Variants in USPL1 observed in about 807,000 individuals in gnomAD.
USPL1 encodes the protein SUMO-specific isopeptidase USPL1.
In USPL1, 27 loss-of-function variants were observed where a neutral mutation model predicts 51.5. That is an observed-to-expected ratio of 0.52 (90% CI 0.39 to 0.72). The LOEUF (loss-of-function observed/expected upper bound fraction) is 0.72, where lower values mean the gene tolerates loss of function less well. USPL1 is among the 30% of genes least tolerant of loss of function. USPL1 has a pLI of 0.00. For synonymous variants in USPL1, 451 were observed against 459.6 expected (o/e 0.98, Z 0.24); for missense variants, 1,226 against 1,268.0 (o/e 0.97, Z 0.50).
chr13:30,653,828 A>G (rs754270277), intron 8 of USPL1, among the ~76,000 whole-genome samples: 2 of 152,132 alleles, frequency 1.3e-5, no homozygotes, highest in East Asian at 3.8e-4. Context: ...TAAAATATTG[A>G]GTTTGTTTTT....
rs533084256 is a variant in USPL1 at position 30,650,347 on chromosome 13, C to T, written c.1239-2801C>T. On this transcript the variant is annotated intron_variant, in intron 7 of 8. Transcript: ENST00000255304. ...GTCCCAGCACTTTGGGAGGCTGAAGCGGACAGATCACCTGAGACTAGGAAT... is the reference window on the plus strand; with the variant it reads ...GTCCCAGCACTTTGGGAGGCTGAAGTGGACAGATCACCTGAGACTAGGAAT... Among the ~76,000 whole-genome samples the T allele has an allele frequency of 4.0e-5, 6 of 151,414 alleles. 1 individual carries two copies. In the East Asian group the frequency reaches 6.0e-4, roughly 15 times the overall value.
intron 5 of USPL1, among the ~76,000 whole-genome samples, chr13:30,641,000 G>T (rs924736110): frequency 6.6e-6 from 1 of 152,158 alleles, no homozygotes; most frequent in Non-Finnish European, 1.5e-5. Context: ...AAATATGTAG[G>T]CTGGTGTTCC....
At chr13:30,625,095 CT>C (rs1313470707) in intron 3 of USPL1, among the ~76,000 whole-genome samples, 2 of 151,910 alleles carry the variant, frequency 1.3e-5, no homozygotes, top group Non-Finnish European at 2.9e-5. Context: ...GCTTTTTTCC[CT>C]TTGGACTAGT....
chr13:30,658,470 G>A lies in USPL1; in HGVS notation c.2393G>A (p.Gly798Asp), dbSNP rs1951201602. 1.9e-6 allele frequency: 3 copies of A among 1,613,782 alleles called. No homozygotes were observed. Among genetic ancestry groups the A allele is most frequent in the Non-Finnish European group, 2.5e-6 (3 of 1,180,032 alleles). The change falls in exon 9 of 9, where the codon GGC (glycine) becomes GAC (aspartate). Residue 798 changes from glycine (G) to aspartate (D), a missense_variant. Physicochemically the swap from Gly to Asp is moderately conservative, Grantham distance 94 (BLOSUM62 -1). Transcript: ENST00000255304. ...GTTAAAGGGGTAAATAATTTTGGTG[G>A]CTTTAAAACTAAAGGTATAAACCAG... ...PSVKGVNNFG[G>D]FKTKGINQKA... is the part of the protein sequence containing the mutation.
chr13:30,634,179 A>C lies in USPL1; in HGVS notation c.868+2705A>C, dbSNP rs180811409. 1.1e-3 allele frequency among the ~76,000 whole-genome samples: 173 copies of C among 152,312 alleles called. 1 individual carries two copies. Among genetic ancestry groups the C allele is most frequent in the African/African-American group, 4.0e-3 (166 of 41,566 alleles). ...AGTCAAATAAGGGTTGCTTGAACACAAGCACTGCAATACCATGGCAATAGA... is the reference window on the plus strand; with the variant it reads ...AGTCAAATAAGGGTTGCTTGAACACCAGCACTGCAATACCATGGCAATAGA... On this transcript the variant is annotated intron_variant, in intron 4 of 8. Coordinates refer to ENST00000255304, the MANE Select transcript of USPL1 (RefSeq NM_005800.5).
chr13:30,626,920 CTTTT>C (rs1950724458), intron 3 of USPL1, among the ~76,000 whole-genome samples: 1 of 151,312 alleles, frequency 6.6e-6, no homozygotes, highest in South Asian at 2.1e-4. Flanking sequence ...TCAAAGAAAA[CTTTT>C]TTTGTTTTCT....
chr13:30,644,985 G>C (rs1025924323), intron 6 of USPL1, among the ~76,000 whole-genome samples: 3 of 152,108 alleles, frequency 2.0e-5, no homozygotes, highest in Non-Finnish European at 4.4e-5. Flanking sequence ...TCTCCTCACA[G>C]TAACTCAGTG....
At chr13:30,644,572 G>A (rs150798823) in intron 6 of USPL1, among the ~76,000 whole-genome samples, 3 of 152,076 alleles carry the variant, frequency 2.0e-5, no homozygotes, top group African/African-American at 7.2e-5. Context: ...AAAGAATATC[G>A]CAAGGATTTG....
chr13:30,631,003 G>T lies in USPL1; in HGVS notation c.397G>T (p.Gly133Cys). The change falls in exon 4 of 9, where the codon GGT (glycine) becomes TGT (cysteine). Residue 133 changes from glycine (G) to cysteine (C), a missense_variant. Physicochemically the swap from Gly to Cys is radical, Grantham distance 159. Transcript: ENST00000255304. The stretch of plus-strand genomic sequence containing the variant: ...GACTAGAAATTATATTGCTATTGAC[G>T]GTGGAAAAGTTTTGAACAGCAAACA... ...KKTRNYIAID[G>C]GKVLNSKHNG... 6.2e-7 allele frequency: 1 copy of T among 1,613,958 alleles called. No homozygotes were observed.
chr13:30,647,821 TA>T (rs757087740), intron 7 of USPL1, among the ~76,000 whole-genome samples: 6 of 152,216 alleles, frequency 3.9e-5, no homozygotes, highest in Non-Finnish European at 5.9e-5. Flanking sequence ...GAATCTTTCC[TA>T]AAGGTTTATT....
intron 4 of USPL1, among the ~76,000 whole-genome samples, chr13:30,633,633 A>G (rs1288891501): frequency 6.6e-6 from 1 of 151,910 alleles, no homozygotes; most frequent in Admixed American, 6.6e-5. Flanking sequence ...TTGGCTGGCT[A>G]TGGTGGCACA....
rs1951026912 is a variant in USPL1 at position 30,647,012 on chromosome 13, A to G, written c.1193A>G (p.Asn398Ser). 6.2e-7 allele frequency: 1 copy of G among 1,613,570 alleles called. No homozygotes were observed. Among genetic ancestry groups the G allele is most frequent in the Non-Finnish European group, 8.5e-7 (1 of 1,179,500 alleles). Reference sequence around the variant, plus strand: ...AATGCTGCCCATTTTGGTCCATGTAACAATTGCAACAGTAAATCACAAATA... The same window carrying G: ...AATGCTGCCCATTTTGGTCCATGTAGCAATTGCAACAGTAAATCACAAATA... ...PLNAAHFGPC[N>S]NCNSKSQIRK... The change falls in exon 7 of 9, where the codon AAC becomes AGC. Residue 398 changes from asparagine to serine, a missense_variant. Coordinates refer to ENST00000255304, the MANE Select transcript of USPL1 (RefSeq NM_005800.5).
intron 2 of USPL1, among the ~76,000 whole-genome samples, chr13:30,621,526 G>T (rs1950647012): frequency 1.3e-5 from 2 of 151,936 alleles, no homozygotes; most frequent in African/African-American, 4.8e-5. Context: ...AAATAAAATT[G>T]ATACTATTCT....
At chr13:30,646,795 A>G in intron 6 of USPL1, 137 bp from the exon 7 acceptor site, 1 of 888,980 alleles carries the variant, frequency 1.1e-6, no homozygotes, top group African/African-American at 1.7e-5. Flanking sequence ...GTAGGGAGGA[A>G]CATTGCCATA....
chr13:30,623,661 C>T (rs899018514), intron 3 of USPL1, among the ~76,000 whole-genome samples: 3 of 152,054 alleles, frequency 2.0e-5, no homozygotes, highest in Non-Finnish European at 2.9e-5. Flanking sequence ...AGGATGGAGC[C>T]GTAGATAGCC....
intron 5 of USPL1, among the ~76,000 whole-genome samples, chr13:30,641,839 T>G (rs533510169): frequency 1.3e-5 from 2 of 152,292 alleles, no homozygotes; most frequent in South Asian, 4.1e-4. Flanking sequence ...AAATGGCCAA[T>G]TCTGATGTGT....
rs772735244 is a variant in USPL1 at position 30,647,022 on chromosome 13, C to T, written c.1203C>T (p.Asn401=). 11 of 1,612,408 alleles carry T rather than the reference C, an allele frequency of 6.8e-6. No homozygotes were observed. Among genetic ancestry groups the T allele is most frequent in the East Asian group, 2.2e-5 (1 of 44,858 alleles). The change falls in exon 7 of 9, where the codon AAC becomes AAT. Residue 401 remains asparagine (N), a synonymous_variant. Transcript: ENST00000255304. ...ATTTTGGTCCATGTAACAATTGCAACAGTAAATCACAAATAAGAAAAATGG... is the reference window on the plus strand; with the variant it reads ...ATTTTGGTCCATGTAACAATTGCAATAGTAAATCACAAATAAGAAAAATGG... ...AAHFGPCNNC[N]SKSQIRKMVL...
rs1482076011 is a variant in USPL1, at chr13:30,631,461, G to A, written c.855G>A (p.Leu285=). The A allele has an allele frequency of 3.1e-6, 5 of 1,613,540 alleles. No individual in the cohort carries two copies. In the Admixed American group the frequency reaches 6.7e-5, roughly 22 times the overall value. ...QANTLLYTSQ[L]SGVKDGDCKK... The stretch of plus-strand genomic sequence containing the variant: ...ATACACTTCTATATACCAGTCAATT[G>A]AGTGGTGTTAAAGGTTGGTACTAAT... Residue 285 remains leucine (L), a synonymous_variant, in exon 4 of 9, where the codon TTG becomes TTA. Coordinates refer to ENST00000255304, the MANE Select transcript of USPL1 (RefSeq NM_005800.5).
chr13:30,635,579 T>A (rs948244493), intron 4 of USPL1, among the ~76,000 whole-genome samples: 1 of 152,218 alleles, frequency 6.6e-6, no homozygotes, highest in African/African-American at 2.4e-5. Context: ...CAACTTCTTT[T>A]GAAGTGTCTT....
Sources: gnomAD v4.1 joint callset for allele counts (sites outside exome capture counted in the v4.1 genomes callset) on GRCh38, gnomAD v4.1.1 for gene constraint, MANE v1.5 for transcripts, NCBI Gene and HGNC (gene_info 2026-07-23, HGNC 2026-07-21) for gene names.